Variants in CNTNAP2 observed in about 807,000 individuals in gnomAD.
CNTNAP2 encodes contactin associated protein 2, also known as contactin-associated protein-like 2.
A neutral mutation model predicts 155.2 loss-of-function variants in CNTNAP2; 98 were observed. The observed-to-expected ratio is 0.63, with a 90% CI of 0.54 to 0.75. The LOEUF (loss-of-function observed/expected upper bound fraction) is 0.75, where lower values mean the gene tolerates loss of function less well. Ranked by LOEUF, CNTNAP2 falls within the 30% of genes least tolerant of loss-of-function variation. The pLI is 0.00. For synonymous variants in CNTNAP2, 651 were observed against 631.2 expected (o/e 1.03, Z -0.47); for missense variants, 1,727 against 1,688.1 (o/e 1.02, Z -0.40).
chr7:146,324,616 C>A (rs549422192), intron 1 of CNTNAP2, among the ~76,000 whole-genome samples: 6 of 152,120 alleles, frequency 3.9e-5, no homozygotes, highest in Non-Finnish European at 5.9e-5. Context: ...AAAGTTGAAT[C>A]ATCTATCATT....
chr7:147,840,872 G>T, intron 13 of CNTNAP2, among the ~76,000 whole-genome samples: 1 of 151,780 alleles, frequency 6.6e-6, no homozygotes. Context: ...AAATCCACTT[G>T]GAAATTAGCC....
At chr7:147,052,102 T>C (rs1486734216) in intron 4 of CNTNAP2, among the ~76,000 whole-genome samples, 1 of 152,148 alleles carries the variant, frequency 6.6e-6, no homozygotes, top group Non-Finnish European at 1.5e-5. Flanking sequence ...CAATCTTTTT[T>C]ATCTTTCAAG....
chr7:148,324,607 G>T (rs574670866), intron 21 of CNTNAP2, among the ~76,000 whole-genome samples: 468 of 152,116 alleles, frequency 3.1e-3, no homozygotes, highest in Non-Finnish European at 5.6e-3. Flanking sequence ...AGACCAGCCT[G>T]GCCAACATGG....
rs1368747286 is a variant in CNTNAP2 at position 146,702,982 on chromosome 7, T to C, written c.98-71289T>C. On this transcript the variant is annotated intron_variant, in intron 1 of 23. Coordinates refer to ENST00000361727, the MANE Select transcript of CNTNAP2 (RefSeq NM_014141.6). ...TTATATGCATATTGAGAGTTTCTCT[T>C]TTTACGTGAGACAAATCCCCAAGGG... is the stretch of plus-strand genomic sequence containing the variant. 2.0e-5 allele frequency among the ~76,000 whole-genome samples: 3 copies of C among 152,280 alleles called. No homozygotes were observed. The East Asian group carries it at 5.8e-4, about 29-fold the overall frequency.
rs781624285 is a variant in CNTNAP2, at chr7:146,955,810, C to T, written c.403-88097C>T. On this transcript the variant is annotated intron_variant, in intron 3 of 23. Coordinates refer to ENST00000361727, the MANE Select transcript of CNTNAP2 (RefSeq NM_014141.6). ...ATTAGCAGTTTAATTTGTGCAGTGT[C>T]GAATATAAGAGATAATTCTGATAGG... Among the ~76,000 whole-genome samples, 7 of 151,928 alleles carry T rather than the reference C, an allele frequency of 4.6e-5. No individual in the cohort carries two copies. The East Asian group carries it at 5.8e-4, about 13-fold the overall frequency.
chr7:147,137,614 T>C (rs1462713430), intron 8 of CNTNAP2, among the ~76,000 whole-genome samples: 1 of 151,874 alleles, frequency 6.6e-6, no homozygotes, highest in East Asian at 1.9e-4. Flanking sequence ...CTTAGAAACA[T>C]GTACAGCCAA....
At chr7:146,880,131 G>T (rs748627120) in intron 3 of CNTNAP2, among the ~76,000 whole-genome samples, 2 of 151,988 alleles carry the variant, frequency 1.3e-5, no homozygotes, top group East Asian at 1.9e-4. Context: ...TTTGGGTGGG[G>T]ACACAGCCAA....
chr7:147,363,339 A>C (rs1241929429), intron 9 of CNTNAP2, among the ~76,000 whole-genome samples: 1 of 152,196 alleles, frequency 6.6e-6, no homozygotes, highest in Non-Finnish European at 1.5e-5. Flanking sequence ...GAACTGTGAA[A>C]AAGGAATGTT....
intron 1 of CNTNAP2, among the ~76,000 whole-genome samples, chr7:146,321,083 A>T (rs1287552124): frequency 1.3e-5 from 2 of 152,134 alleles, no homozygotes; most frequent in Non-Finnish European, 2.9e-5. Flanking sequence ...GTAAAGTATA[A>T]GGTAACATGA....
chr7:147,844,859 G>A (rs1283159974), intron 13 of CNTNAP2, among the ~76,000 whole-genome samples: 1 of 111,660 alleles, frequency 9.0e-6, no homozygotes, highest in Non-Finnish European at 1.9e-5. Flanking sequence ...TAATCATGTG[G>A]TTTTTGTCTT....
At chr7:146,469,518 C>CTTTT (rs544057518) in intron 1 of CNTNAP2, among the ~76,000 whole-genome samples, 27 of 129,068 alleles carry the variant, frequency 2.1e-4, no homozygotes, top group African/African-American at 7.5e-4. Flanking sequence ...TAATAATTGA[C>CTTTT]TTTTTTTTTT....
chr7:147,736,899 T>C (rs1398389497), intron 13 of CNTNAP2, among the ~76,000 whole-genome samples: 7 of 152,206 alleles, frequency 4.6e-5, no homozygotes, highest in African/African-American at 1.7e-4. Context: ...TTCTCTGCAT[T>C]GGTTATTCTA....
chr7:148,195,206 C>T (rs959317530), intron 18 of CNTNAP2, among the ~76,000 whole-genome samples: 4 of 152,172 alleles, frequency 2.6e-5, no homozygotes, highest in African/African-American at 9.7e-5. Context: ...TGGGCAAGGG[C>T]TGATGTCTTC....
chr7:148,109,004 T>C (rs114874739), intron 15 of CNTNAP2, among the ~76,000 whole-genome samples: 1,567 of 152,326 alleles, frequency 0.01, 18 homozygotes, highest in South Asian at 0.044. Flanking sequence ...GTACCTGTGG[T>C]AAATCAGGCT....
intron 1 of CNTNAP2, among the ~76,000 whole-genome samples, chr7:146,715,611 A>G (rs1801173924): frequency 6.6e-6 from 1 of 152,214 alleles, no homozygotes; most frequent in Non-Finnish European, 1.5e-5. Context: ...ACTGAGGAAC[A>G]AAAGAAAATC....
chr7:146,834,695 C>T (rs1456748034), intron 2 of CNTNAP2, among the ~76,000 whole-genome samples: 1 of 152,192 alleles, frequency 6.6e-6, no homozygotes, highest in African/African-American at 2.4e-5. Context: ...GGCAAGTGTT[C>T]TTCTTAGGAA....
intron 19 of CNTNAP2, among the ~76,000 whole-genome samples, chr7:148,218,098 G>A (rs1157279964): frequency 3.9e-5 from 6 of 152,186 alleles, no homozygotes; most frequent in Admixed American, 2.6e-4. Flanking sequence ...TGCACTCCAG[G>A]CTGGGCAACA....
At chr7:147,453,861 G>C (rs6464804) in intron 10 of CNTNAP2, among the ~76,000 whole-genome samples, 118,129 of 152,090 alleles carry the variant, frequency 0.78, 46,195 homozygotes, top group African/African-American at 0.88. Flanking sequence ...CCAAATTGTG[G>C]CTGTTTCATT....
rs1798744504 is a variant in CNTNAP2 at position 148,365,849 on chromosome 7, T to TATGCATGTATACATGTATGTGC, written c.3476-17779_3476-17778insCATGCATGTATACATGTATGTG. ...GTGTATGCATGTATACATGCATGTG[T>TATGCATGTATACATGTATGTGC]ATGCATGTATACATGTATGTGTATG... On this transcript the variant is annotated intron_variant, in intron 21 of 23. Transcript: ENST00000361727. Among the ~76,000 whole-genome samples, 3 of 113,906 alleles carry TATGCATGTATACATGTATGTGC rather than the reference T, an allele frequency of 2.6e-5. 1 individual carries two copies. Among genetic ancestry groups the TATGCATGTATACATGTATGTGC allele is most frequent in the African/African-American group, 1.2e-4 (3 of 24,634 alleles). 74.7% of individuals were successfully genotyped at this position (113,906 alleles called of 152,430 possible).
Sources: allele counts gnomAD v4.1 joint callset (sites outside exome capture counted in the v4.1 genomes callset), GRCh38; gene constraint gnomAD v4.1.1; transcripts MANE v1.5; gene names NCBI Gene and HGNC (gene_info 2026-07-23, HGNC 2026-07-21).